CELF1: variants seen among roughly 807,000 people sequenced by gnomAD.
The protein encoded by CELF1 is CUGBP Elav-like family member 1, also known as 50 kDa nuclear polyadenylated RNA-binding protein.
CELF1 carries 10 observed loss-of-function variants against 61.8 expected under a neutral mutation model. That is an observed-to-expected ratio of 0.16 (90% CI 0.10 to 0.27). The LOEUF (loss-of-function observed/expected upper bound fraction) is 0.27. CELF1 is among the 10% of genes least tolerant of loss of function. CELF1 has a pLI of 1.00. For missense variants in CELF1, 380 were observed against 639.1 expected, an observed-to-expected ratio of 0.59 and a Z score of 4.37; for synonymous variants, 236 against 225.1, an observed-to-expected ratio of 1.05 and a Z score of -0.43.
chr11:47,548,403 C>G lies in CELF1; in HGVS notation c.-154+4589G>C, dbSNP rs188713964. 6.4e-3 allele frequency among the ~76,000 whole-genome samples: 981 copies of G among 152,246 alleles called. 37 individuals carry two copies. Among genetic ancestry groups the G allele is most frequent in the Admixed American group, 0.06 (909 of 15,272 alleles). Reference sequence around the variant, plus strand: ...ATGATATTGGATTTGACAATGATTTCATGGATATGACACCAAGTGCGCAGG... The same window carrying G: ...ATGATATTGGATTTGACAATGATTTGATGGATATGACACCAAGTGCGCAGG... On this transcript the variant is annotated intron_variant, in intron 1 of 14. Coordinates refer to ENST00000687097, the MANE Select transcript of CELF1 (RefSeq NM_001376376.1).
chr11:47,553,883 G>A (rs1234154774), upstream of CELF1, among the ~76,000 whole-genome samples: 1 of 151,498 alleles, frequency 6.6e-6, no homozygotes, highest in Non-Finnish European at 1.5e-5. Flanking sequence ...GGAATCCCTG[G>A]GTCTAGATGG....
chr11:47,486,616 G>A (rs1031656417), intron 6 of CELF1, 134 bp downstream of exon 6: 1 of 708,400 alleles, frequency 1.4e-6, no homozygotes, highest in African/African-American at 1.8e-5. Context: ...CACCATGTTG[G>A]CCAGACTGGC....
chr11:47,499,171 A>G (rs1242712630), intron 3 of CELF1, among the ~76,000 whole-genome samples: 1 of 152,230 alleles, frequency 6.6e-6, no homozygotes, highest in Non-Finnish European at 1.5e-5. Context: ...ATCATATAGG[A>G]AAACACTACA....
chr11:47,506,428 C>CA (rs1267779850), intron 1 of CELF1, among the ~76,000 whole-genome samples: 2 of 146,800 alleles, frequency 1.4e-5, no homozygotes, highest in African/African-American at 2.6e-5. Context: ...GACTCCGGCT[C>CA]AAAAAAAAGA....
chr11:47,551,057 A>C (rs1045181362), intron 1 of CELF1, among the ~76,000 whole-genome samples: 2 of 152,082 alleles, frequency 1.3e-5, no homozygotes, highest in African/African-American at 2.4e-5. Context: ...AAAAAAACAT[A>C]ACCTTGGGCA....
intron 4 of CELF1, among the ~76,000 whole-genome samples, chr11:47,487,571 G>A (rs1275818639): frequency 6.6e-6 from 1 of 152,100 alleles, no homozygotes; most frequent in African/African-American, 2.4e-5. Flanking sequence ...AACACCAGGT[G>A]GTATATGAGA....
At position 47,533,555 on chromosome 11, in the gene CELF1, G is replaced by A. The variant is rs1167971691; in HGVS notation, c.-154+19437C>T. 3.9e-5 allele frequency among the ~76,000 whole-genome samples: 6 copies of A among 152,132 alleles called. No homozygotes were observed. The South Asian group carries it at 6.2e-4, about 16-fold the overall frequency. On this transcript the variant is annotated intron_variant, in intron 1 of 14. Transcript: ENST00000687097. ...GAGAACTGCTTAAACTCCGGAAGGC[G>A]GAAGTGGCAGTGAGCTGAGATCGCA...
chr11:47,487,758 C>G (rs888354831), intron 4 of CELF1, among the ~76,000 whole-genome samples: 2 of 152,234 alleles, frequency 1.3e-5, no homozygotes, highest in Non-Finnish European at 2.9e-5. Flanking sequence ...CACCTCTTAA[C>G]ATCTTTTTTT....
intron 1 of CELF1, among the ~76,000 whole-genome samples, chr11:47,521,305 C>T: frequency 6.6e-6 from 1 of 152,122 alleles, no homozygotes; most frequent in African/African-American, 2.4e-5. Flanking sequence ...TGATGGTGAT[C>T]TGCAAAACCA....
intron 1 of CELF1, among the ~76,000 whole-genome samples, 171 bp downstream of exon 1, chr11:47,552,821 A>G (rs2097177648): frequency 6.6e-6 from 1 of 152,158 alleles, no homozygotes; most frequent in Non-Finnish European, 1.5e-5. Context: ...CCCGACATGC[A>G]GGAGGAGATC....
chr11:47,489,955 T>TTTTTTTTTTA (rs71042675), intron 3 of CELF1, among the ~76,000 whole-genome samples: 1 of 141,284 alleles, frequency 7.1e-6, no homozygotes, highest in Non-Finnish European at 1.5e-5. Context: ...TTTTTTTTTT[T>TTTTTTTTTTA]GAGACGGAAT....
intron 1 of CELF1, among the ~76,000 whole-genome samples, chr11:47,518,950 C>CCA (rs370562221): frequency 1.3e-5 from 2 of 152,324 alleles, no homozygotes; most frequent in South Asian, 2.1e-4. Context: ...AGGAGCTTTG[C>CCA]CCTGTTCTGT....
At chr11:47,474,870 T>C (rs925661391) in intron 13 of CELF1, among the ~76,000 whole-genome samples, 1 of 152,194 alleles carries the variant, frequency 6.6e-6, no homozygotes, top group East Asian at 1.9e-4. Flanking sequence ...CATCAACTCA[T>C]GGGCCAAACT....
At chr11:47,552,368 G>C (rs576867172) in intron 1 of CELF1, among the ~76,000 whole-genome samples, 1 of 152,228 alleles carries the variant, frequency 6.6e-6, no homozygotes, top group Non-Finnish European at 1.5e-5. Context: ...AGCGAAGAAA[G>C]CGCTTTAATG....
chr11:47,541,650 A>C (rs1289215485), intron 1 of CELF1, among the ~76,000 whole-genome samples: 2 of 149,096 alleles, frequency 1.3e-5, no homozygotes, highest in Non-Finnish European at 3.0e-5. Context: ...AGATCTCACC[A>C]CTGTACTCCA....
chr11:47,552,479 TC>T (rs2097164341), intron 1 of CELF1, among the ~76,000 whole-genome samples: 1 of 152,124 alleles, frequency 6.6e-6, no homozygotes, highest in Non-Finnish European at 1.5e-5. Flanking sequence ...CCGTAGCGGA[TC>T]TGGGGCGAGG....
At chr11:47,477,771 C>T (rs1016087121) in intron 10 of CELF1, 1 of 210,544 alleles carries the variant, frequency 4.7e-6, no homozygotes, top group African/African-American at 2.3e-5. Context: ...GGGACTGCAT[C>T]CAGGCCCCTC....
chr11:47,523,627 A>G (rs2153664021), intron 1 of CELF1: 1 of 152,488 alleles, frequency 6.6e-6, no homozygotes, highest in Non-Finnish European at 1.5e-5. Context: ...AGCTGCCTCA[A>G]TCAAGGTGTT....
chr11:47,493,900 T>A (rs993081089), intron 3 of CELF1, among the ~76,000 whole-genome samples: 2 of 152,204 alleles, frequency 1.3e-5, no homozygotes, highest in Non-Finnish European at 2.9e-5. Context: ...ATATGCATGT[T>A]GTCATTATGA....
Sources: allele counts gnomAD v4.1 joint callset (sites outside exome capture counted in the v4.1 genomes callset), GRCh38; gene constraint gnomAD v4.1.1; transcripts MANE v1.5; gene names NCBI Gene and HGNC (gene_info 2026-07-23, HGNC 2026-07-21).